Variants in SLC6A9 observed in about 807,000 individuals in gnomAD.
SLC6A9 encodes the protein solute carrier family 6 member 9, also known as sodium- and chloride-dependent glycine transporter 1.
In SLC6A9, 31 loss-of-function variants were observed where a neutral mutation model predicts 70.9. That is an observed-to-expected ratio of 0.44 (90% CI 0.33 to 0.59). The LOEUF (loss-of-function observed/expected upper bound fraction) is 0.59, where lower values mean the gene tolerates loss of function less well. Among genes scored for constraint, SLC6A9 ranks in the 20% least tolerant of loss-of-function variants. The pLI is 0.04. For missense variants in SLC6A9, 631 were observed against 845.2 expected, an observed-to-expected ratio of 0.75 and a Z score of 3.14; for synonymous variants, 310 against 341.3, an observed-to-expected ratio of 0.91 and a Z score of 1.01.
Position 44,010,814 on chromosome 1 carries a change from C to A in SLC6A9, c.99G>T (p.Gln33His), listed in dbSNP as rs143373456. ...CCACGCTCGTCAGTACAAACTCGAT[C>A]TGGTTGCCCCAGTTGCCCCGTTTGA... ...QNLKRGNWGN[Q>H]IEFVLTSVGY... Residue 33 changes from glutamine to histidine, a missense_variant, in exon 3 of 14, where the codon CAG (glutamine) becomes CAT (histidine). Gln to His is a conservative substitution (Grantham distance 24). Transcript: ENST00000372310. The A allele has an allele frequency of 1.9e-6, 3 of 1,614,234 alleles. No homozygotes were observed. The East Asian group carries it at 6.7e-5, about 36-fold the overall frequency.
chr1:43,998,157 G>T, intron 12 of SLC6A9, 132 bp from the exon 13 acceptor site: 1 of 841,328 alleles, frequency 1.2e-6, no homozygotes. Context: ...AACAGGGACA[G>T]CTGTCAACAT....
intron 2 of SLC6A9, among the ~76,000 whole-genome samples, chr1:44,017,988 T>G (rs373353122): frequency 1.3e-5 from 2 of 152,158 alleles, no homozygotes; most frequent in African/African-American, 4.8e-5. Context: ...TGTAGTGGGA[T>G]GCCACTCAGA....
intron 2 of SLC6A9, among the ~76,000 whole-genome samples, chr1:44,014,426 G>T (rs565594034): frequency 1.3e-5 from 2 of 151,982 alleles, no homozygotes; most frequent in South Asian, 2.1e-4. Flanking sequence ...ATGGCGGGGT[G>T]GGGTGAGCTG....
chr1:44,011,771 C>A, intron 2 of SLC6A9: 3 of 1,590,762 alleles, frequency 1.9e-6, no homozygotes, highest in Non-Finnish European at 2.6e-6. Context: ...CGGGGATTTG[C>A]CCCAGGGAAG....
chr1:44,028,172 A>G (rs1467033583), intron 1 of SLC6A9, among the ~76,000 whole-genome samples: 1 of 152,166 alleles, frequency 6.6e-6, no homozygotes, highest in African/African-American at 2.4e-5. Flanking sequence ...AGGAAGAGAG[A>G]GTCAAGCAAA....
intron 2 of SLC6A9, among the ~76,000 whole-genome samples, 187 bp from the exon 3 acceptor site, chr1:44,011,069 G>A (rs1272222025): frequency 3.3e-5 from 5 of 152,216 alleles, no homozygotes; most frequent in South Asian, 2.1e-4. Context: ...GCCAGAGGGC[G>A]CCAAGCAGAG....
chr1:43,999,351 C>T (rs914058987), intron 12 of SLC6A9, among the ~76,000 whole-genome samples: 10 of 151,732 alleles, frequency 6.6e-5, no homozygotes, highest in Middle Eastern at 3.4e-3. Context: ...GAGCCCCGCC[C>T]GCTGTGCCTC....
At chr1:44,003,684 G>A (rs886719329) in intron 5 of SLC6A9, among the ~76,000 whole-genome samples, 4 of 150,004 alleles carry the variant, frequency 2.7e-5, no homozygotes, top group African/African-American at 7.4e-5. Flanking sequence ...GGAGGTGGAG[G>A]TTGCAGGGAG....
In SLC6A9 at chr1:44,010,150, T is replaced by C; in HGVS notation, c.188-54A>G. 3.1e-6 allele frequency: 5 copies of C among 1,602,864 alleles called. No homozygotes were observed. The South Asian group carries it at 5.5e-5, about 18-fold the overall frequency. On this transcript the variant is annotated intron_variant, in intron 3 of 13. Coordinates refer to ENST00000372310, the MANE Select transcript of SLC6A9 (RefSeq NM_001024845.3). ...GAGTGGGCTTGGAGGGATCTCACCC[T>C]GGGCTTCCTGCTCAGAACTCAACAG...
chr1:44,002,808 G>A lies in SLC6A9; in HGVS notation c.723+45C>T. The A allele has an allele frequency of 6.2e-7, 1 of 1,611,612 alleles. No individual in the cohort carries two copies. Among genetic ancestry groups the A allele is most frequent in the African/African-American group, 1.3e-5 (1 of 74,960 alleles). On this transcript the variant is annotated intron_variant, in intron 6 of 13. Transcript: ENST00000372310. The surrounding 1 kb of genome is among the most constrained non-coding windows in gnomAD (Gnocchi z 5.5). Reference sequence around the variant, plus strand: ...CACACATAACCCAGGTAGGGGGCAGGGTCTTTCTGGGTGGGCACAGACCCT... The same window carrying A: ...CACACATAACCCAGGTAGGGGGCAGAGTCTTTCTGGGTGGGCACAGACCCT...
At position 44,018,796 on chromosome 1, in the gene SLC6A9, G is replaced by GGT. The variant is rs2086827360; in HGVS notation, c.30+5450_30+5451dup. ...CTACAAAAAACTGGCAAGGTGTGGT[G>GGT]GTGTGTACCTATAGTCCCAGCTACT... On this transcript the variant is annotated intron_variant, in intron 2 of 13. Transcript: ENST00000372310. This position sits in a 1 kb window ranked among gnomAD's most constrained non-coding sequence, Gnocchi z 4.2. Among the ~76,000 whole-genome samples, 4 of 152,034 alleles carry GGT rather than the reference G, an allele frequency of 2.6e-5. No homozygotes were observed. The South Asian group carries it at 8.3e-4, about 32-fold the overall frequency.
At chr1:44,025,057 C>T (rs2906599) in intron 1 of SLC6A9, among the ~76,000 whole-genome samples, 35,492 of 152,192 alleles carry the variant, frequency 0.23, 9,207 homozygotes, top group African/African-American at 0.65. Context: ...TCTACGAGTA[C>T]TCTTATTTCA....
At chr1:44,009,730 G>C (rs75103201) in intron 4 of SLC6A9, among the ~76,000 whole-genome samples, 6 of 148,924 alleles carry the variant, frequency 4.0e-5, no homozygotes, top group Middle Eastern at 3.4e-3. Context: ...GTAAGTTGGC[G>C]GGGGGTGGCG....
intron 1 of SLC6A9, among the ~76,000 whole-genome samples, chr1:44,028,703 C>G (rs1393647686): frequency 3.3e-5 from 5 of 151,872 alleles, no homozygotes; most frequent in Admixed American, 3.3e-4. Context: ...TGCAGTGAGT[C>G]AAGATTGTGC....
In SLC6A9 at chr1:44,000,957, G is replaced by A. The variant is rs200915117; in HGVS notation, c.1434C>T (p.Tyr478=). ...CIMCVAIMYI[Y]GHRNYFQDIQ... is the part of the protein sequence containing the mutation. ...GAGGCCGGAGGCTCGAGTGCTCACCGTAGATGTACATGATGGCCACACACA... is the reference window on the plus strand; with the variant it reads ...GAGGCCGGAGGCTCGAGTGCTCACCATAGATGTACATGATGGCCACACACA... The change falls in exon 11 of 14, where the codon TAC becomes TAT. Residue 478 remains tyrosine, a splice_region_variant and synonymous_variant. Coordinates refer to ENST00000372310, the MANE Select transcript of SLC6A9 (RefSeq NM_001024845.3). 24 of 1,601,642 alleles carry A rather than the reference G, an allele frequency of 1.5e-5. No homozygotes were observed. The highest frequency in any genetic ancestry group is 5.6e-5 in the South Asian group (5 of 89,268).
chr1:44,011,625 T>G lies in SLC6A9; in HGVS notation c.31-743A>C, dbSNP rs1160368884. 1.9e-6 allele frequency: 3 copies of G among 1,614,010 alleles called. No homozygotes were observed. In the East Asian group the frequency reaches 6.7e-5, roughly 36 times the overall value. On this transcript the variant is annotated intron_variant, in intron 2 of 13. Coordinates refer to ENST00000372310, the MANE Select transcript of SLC6A9 (RefSeq NM_001024845.3). ...AAGGAGACCAGAGTTGTAGGCCCCA[T>G]GCCAGACTTTGAGGACAGACTCTGC... is the stretch of plus-strand genomic sequence containing the variant.
At chr1:44,014,942 C>G (rs558919444) in intron 2 of SLC6A9, 2 of 152,216 alleles carry the variant, frequency 1.3e-5, no homozygotes, top group Non-Finnish European at 2.9e-5. Flanking sequence ...CACTTTCAAT[C>G]GATCTGCCAG....
Position 44,000,738 on chromosome 1 carries a change from G to A in SLC6A9, c.1536+29C>T, listed in dbSNP as rs750620602. ...GGACACATGGCCAAGGGGCAGCGGG[G>A]GAAGGGAGGGGCCGGCCAGGGAACT... On this transcript the variant is annotated intron_variant, in intron 12 of 13. Transcript: ENST00000372310. 2.1e-6 allele frequency: 3 copies of A among 1,440,082 alleles called. No individual in the cohort carries two copies. The African/African-American group carries it at 4.3e-5, about 21-fold the overall frequency. The allele number at this position is 1,440,082 out of a possible 1,614,324, so 89.2% of individuals were successfully genotyped here.
chr1:44,001,621 A>C lies in SLC6A9; in HGVS notation c.969T>G (p.Ser323Arg), dbSNP rs200382619. Residue 323 changes from serine (S) to arginine (R), a missense_variant, in exon 9 of 14, where the codon AGT becomes AGG. By Grantham distance (110) the Ser-to-Arg change is moderately radical. Transcript: ENST00000372310. ...NKFHNNCYRD[S>R]VIISITNCAT... ...CACAGTTGGTGATGCTGATGATGAC[A>C]CTGTCCCTGATGGGGAGGAAAACAG... 1 of 1,611,424 alleles carries C rather than the reference A, an allele frequency of 6.2e-7. No individual in the cohort carries two copies. Among genetic ancestry groups the C allele is most frequent in the South Asian group, 1.1e-5 (1 of 90,772 alleles).
Sources: allele counts gnomAD v4.1 joint callset (sites outside exome capture counted in the v4.1 genomes callset), GRCh38; gene constraint gnomAD v4.1.1; non-coding constraint Gnocchi (gnomAD v3.1); transcripts MANE v1.5; gene names NCBI Gene and HGNC (gene_info 2026-07-23, HGNC 2026-07-21).